Variants in OPCML observed in about 807,000 individuals in gnomAD.
OPCML encodes the protein opioid binding protein/cell adhesion molecule like.
In OPCML, 13 loss-of-function variants were observed where a neutral mutation model predicts 37.8. The ratio of observed to expected loss-of-function variants is 0.34; its 90% CI spans 0.22 to 0.55. OPCML has a LOEUF of 0.55. Ranked by LOEUF, OPCML falls within the 20% of genes least tolerant of loss-of-function variation. The probability of loss-of-function intolerance (pLI) is 0.91; values close to 1 mark genes in which losing one functional copy is unlikely to be tolerated. For synonymous variants in OPCML, 176 were observed against 168.8 expected, an observed-to-expected ratio of 1.04 and a Z score of -0.33; for missense variants, 341 against 435.6, an observed-to-expected ratio of 0.78 and a Z score of 1.93.
intron 1 of OPCML, among the ~76,000 whole-genome samples, chr11:133,287,759 G>A (rs573275166): frequency 1.3e-5 from 2 of 152,260 alleles, no homozygotes; most frequent in African/African-American, 4.8e-5. Context: ...AGAGCAGTGT[G>A]AGACTCAAGC....
intron 1 of OPCML, among the ~76,000 whole-genome samples, chr11:132,957,902 C>T (rs1946005186): frequency 6.6e-6 from 1 of 152,140 alleles, no homozygotes; most frequent in Non-Finnish European, 1.5e-5. Flanking sequence ...CCTCCCTGTT[C>T]CCTGAGACAC....
intron 2 of OPCML, among the ~76,000 whole-genome samples, chr11:132,700,971 G>T (rs769162940): frequency 9.9e-5 from 15 of 152,058 alleles, no homozygotes; most frequent in Admixed American, 2.0e-4. Flanking sequence ...CCCCTGTATT[G>T]AGTGCCTATA....
At chr11:132,616,582 G>C (rs1939037237) in intron 3 of OPCML, among the ~76,000 whole-genome samples, 1 of 152,172 alleles carries the variant, frequency 6.6e-6, no homozygotes, top group African/African-American at 2.4e-5. Context: ...TAATGTTCTA[G>C]ATTTTTATTC....
At chr11:132,866,756 G>A (rs1942576611) in intron 2 of OPCML, among the ~76,000 whole-genome samples, 1 of 152,216 alleles carries the variant, frequency 6.6e-6, no homozygotes, top group Non-Finnish European at 1.5e-5. Context: ...GGTCCATGGA[G>A]ATCAAGTAGA....
At chr11:133,434,070 T>C (rs117599679) in intron 1 of OPCML, among the ~76,000 whole-genome samples, 56 of 152,350 alleles carry the variant, frequency 3.7e-4, no homozygotes, top group South Asian at 8.3e-4. Context: ...ACACTGGGAT[T>C]ATTTCTGTGT....
intron 1 of OPCML, among the ~76,000 whole-genome samples, chr11:132,994,477 T>C (rs1472428471): frequency 6.6e-6 from 1 of 152,126 alleles, no homozygotes; most frequent in Non-Finnish European, 1.5e-5. Context: ...GTACCAGGGC[T>C]GCCTGGAAAG....
At chr11:133,227,471 C>T (rs574556410) in intron 1 of OPCML, among the ~76,000 whole-genome samples, 3 of 152,284 alleles carry the variant, frequency 2.0e-5, no homozygotes, top group East Asian at 3.9e-4. Flanking sequence ...ACGAATCCCA[C>T]ACGTCTCAAG....
At chr11:133,385,804 T>G (rs1945034457) in intron 1 of OPCML, among the ~76,000 whole-genome samples, 1 of 152,146 alleles carries the variant, frequency 6.6e-6, no homozygotes, top group Admixed American at 6.5e-5. Context: ...TATTATAATC[T>G]CTGTCTTCTA....
intron 2 of OPCML, chr11:132,771,552 C>A (rs1946635096): frequency 6.6e-6 from 1 of 152,244 alleles, no homozygotes; most frequent in South Asian, 2.1e-4. Context: ...CTCCTGAGAG[C>A]CCCCACGAGG....
At chr11:132,597,662 G>A (rs2096494536) in intron 3 of OPCML, among the ~76,000 whole-genome samples, 2 of 152,150 alleles carry the variant, frequency 1.3e-5, no homozygotes, top group Non-Finnish European at 2.9e-5. Context: ...CAATTGTGAT[G>A]GTAAATGCTG....
chr11:132,609,460 C>A (rs1250903091), intron 3 of OPCML, among the ~76,000 whole-genome samples: 2 of 152,062 alleles, frequency 1.3e-5, no homozygotes, highest in Non-Finnish European at 2.9e-5. Context: ...TGTTTCTCTG[C>A]CTACCCTCAT....
At chr11:132,468,333 T>A (rs548637081) in intron 4 of OPCML, among the ~76,000 whole-genome samples, 2 of 152,302 alleles carry the variant, frequency 1.3e-5, no homozygotes, top group African/African-American at 4.8e-5. Flanking sequence ...CATACCCCCA[T>A]CCTTTCTCAA....
At chr11:132,695,314 G>A (rs955253035) in intron 2 of OPCML, among the ~76,000 whole-genome samples, 4 of 152,140 alleles carry the variant, frequency 2.6e-5, no homozygotes, top group Non-Finnish European at 1.5e-5. Flanking sequence ...GATGGGTACT[G>A]TTAGTCTAGG....
intron 1 of OPCML, chr11:133,006,379 G>T: frequency 3.3e-6 from 3 of 913,068 alleles, no homozygotes; most frequent in Non-Finnish European, 3.9e-6. Context: ...GAATTTTCTT[G>T]GCCATGGGAC....
At chr11:132,528,758 G>A (rs2096315436) in intron 4 of OPCML, among the ~76,000 whole-genome samples, 1 of 152,076 alleles carries the variant, frequency 6.6e-6, no homozygotes, top group African/African-American at 2.4e-5. Context: ...ACCACCAACT[G>A]ACCCACCTCT....
At chr11:133,134,638 C>T (rs184701535) in intron 1 of OPCML, among the ~76,000 whole-genome samples, 24 of 152,306 alleles carry the variant, frequency 1.6e-4, no homozygotes, top group African/African-American at 5.3e-4. Flanking sequence ...ATATCCTCGA[C>T]TTGCTCCAGG....
intron 2 of OPCML, among the ~76,000 whole-genome samples, chr11:132,668,541 T>A (rs2917585): frequency 0.49 from 74,001 of 151,964 alleles, 18,178 homozygotes; most frequent in Middle Eastern, 0.58. Context: ...ATAGGAATTA[T>A]ACTTGGTAAA....
chr11:132,724,351 T>G (rs1342136486), intron 2 of OPCML, among the ~76,000 whole-genome samples: 1 of 152,190 alleles, frequency 6.6e-6, no homozygotes, highest in African/African-American at 2.4e-5. Flanking sequence ...TATGTATTAG[T>G]CTGTTTTTGC....
chr11:133,165,457 T>C (rs772662217), intron 1 of OPCML, among the ~76,000 whole-genome samples: 3 of 152,150 alleles, frequency 2.0e-5, no homozygotes, highest in Non-Finnish European at 4.4e-5. Context: ...TCCTTTTCCC[T>C]GGGCCTGGAC....
Sources: allele counts gnomAD v4.1 joint callset (sites outside exome capture counted in the v4.1 genomes callset), GRCh38; gene constraint gnomAD v4.1.1; transcripts MANE v1.5; gene names NCBI Gene and HGNC (gene_info 2026-07-23, HGNC 2026-07-21).